Variants in IGF2BP1 observed in about 807,000 individuals in gnomAD.
IGF2BP1 encodes the protein insulin-like growth factor 2 mRNA-binding protein 1.
A neutral mutation model predicts 74.9 loss-of-function variants in IGF2BP1; 11 were observed. The ratio of observed to expected loss-of-function variants is 0.15; its 90% CI spans 0.09 to 0.24. IGF2BP1 has a LOEUF of 0.24. Ranked by LOEUF, IGF2BP1 falls within the 10% of genes least tolerant of loss-of-function variation. The pLI, the probability that IGF2BP1 is intolerant of heterozygous loss-of-function variation, is 1.00. For synonymous variants in IGF2BP1, 287 were observed against 281.8 expected, an observed-to-expected ratio of 1.02 and a Z score of -0.18; for missense variants, 440 against 757.4, an observed-to-expected ratio of 0.58 and a Z score of 4.92.
chr17:49,003,983 TAGAG>T (rs1311158099), intron 2 of IGF2BP1, among the ~76,000 whole-genome samples: 1 of 149,094 alleles, frequency 6.7e-6, no homozygotes, highest in East Asian at 2.0e-4. Context: ...AGAGAGAGAG[TAGAG>T]AGAGAGAAAG....
chr17:49,025,766 G>A (rs929943992), intron 3 of IGF2BP1, 100 bp downstream of exon 3: 7 of 1,036,254 alleles, frequency 6.8e-6, no homozygotes, highest in Admixed American at 1.9e-5. Flanking sequence ...GGAGGTCTGG[G>A]GCCAGGCTAG....
chr17:49,046,474 T>G (rs1003355297), intron 14 of IGF2BP1, 101 bp downstream of exon 14: 2 of 848,480 alleles, frequency 2.4e-6, no homozygotes, highest in Admixed American at 2.2e-5. Flanking sequence ...TGACAAGTCC[T>G]GGGGCCTCAG....
chr17:49,038,295 C>T lies in IGF2BP1; in HGVS notation c.529C>T (p.Pro177Ser). The change falls in exon 6 of 15, where the codon CCC (proline) becomes TCC (serine). Residue 177 changes from proline to serine, a missense_variant. This residue lies in a region of IGF2BP1 where 184 missense variants were observed against 273.4 expected (regional missense o/e 0.67). Transcript: ENST00000290341. ...RRGGFGSRGQ[P>S]RQGSPVAAGA... ...AGGGGGCTTTGGCTCTCGGGGTCAG[C>T]CCCGCCAGGGCTCACCTGTGGCAGC... 6.2e-7 allele frequency: 1 copy of T among 1,604,012 alleles called. No individual in the cohort carries two copies. Among genetic ancestry groups the T allele is most frequent in the Non-Finnish European group, 8.5e-7 (1 of 1,175,292 alleles).
At chr17:49,025,530 A>C in intron 2 of IGF2BP1, 88 bp from the exon 3 acceptor site, 3 of 1,126,288 alleles carry the variant, frequency 2.7e-6, no homozygotes, top group Non-Finnish European at 2.6e-6. Context: ...GGGGAAATAG[A>C]AACTGGGGCA....
intron 2 of IGF2BP1, among the ~76,000 whole-genome samples, chr17:49,019,938 A>ATATATATATATATATATATATATATT (rs1555597792): frequency 1.7e-5 from 1 of 57,368 alleles, no homozygotes; most frequent in Non-Finnish European, 3.4e-5. Context: ...ATATATATAT[A>ATATATATATATATATATATATATATT]TATATATATA....
chr17:49,052,721 A>G lies in IGF2BP1; in HGVS notation c.*3277A>G, dbSNP rs2042181531. 6.6e-6 allele frequency: 1 copy of G among 152,294 alleles called. No individual in the cohort carries two copies. Among genetic ancestry groups the G allele is most frequent in the African/African-American group, 2.4e-5 (1 of 41,320 alleles). 9.4% of individuals were successfully genotyped at this position (152,294 alleles called of 1,614,324 possible). A position where few individuals can be genotyped will look rare whatever the true frequency, so the allele number is the denominator to read the frequency against. On this transcript the variant is annotated 3_prime_UTR_variant, in exon 15 of 15. Transcript: ENST00000290341. The stretch of plus-strand genomic sequence containing the variant: ...CCTTGCCCTCCTGCTCAGCACCTCC[A>G]TTTCCCCATCCTTGGTGAGATAACA...
rs2041419981 is a variant in IGF2BP1, at chr17:48,997,462, T to A, written c.-284T>A. The A allele has an allele frequency of 5.3e-6, 1 of 190,230 alleles. No individual in the cohort carries two copies. The highest frequency in any genetic ancestry group is 1.4e-4 in the East Asian group (1 of 7,062). 11.8% of individuals were successfully genotyped at this position (190,230 alleles called of 1,614,324 possible). On this transcript the variant is annotated 5_prime_UTR_variant, in exon 1 of 15. Coordinates refer to ENST00000290341, the MANE Select transcript of IGF2BP1 (RefSeq NM_006546.4). This position sits in a 1 kb window ranked among gnomAD's most constrained non-coding sequence, Gnocchi z 4.8. ...GCGGAGAAACGTGACACACCAGCCC[T>A]CTCGGAGGGGTTTCGGACCGAAGGG...
At chr17:49,030,653 T>C (rs2041911417) in intron 4 of IGF2BP1, among the ~76,000 whole-genome samples, 2 of 151,376 alleles carry the variant, frequency 1.3e-5, no homozygotes, top group Admixed American at 1.3e-4. Context: ...TGAGACAGAG[T>C]CTCGCTCTGT....
intron 12 of IGF2BP1, 57 bp downstream of exon 12, chr17:49,045,122 C>G (rs2042096103): frequency 1.4e-6 from 2 of 1,476,174 alleles, no homozygotes; most frequent in Non-Finnish European, 1.9e-6. Context: ...TTGGGTATTT[C>G]CCCTGAGGTA....
chr17:49,038,496 T>G, intron 6 of IGF2BP1, 47 bp downstream of exon 6: 1 of 1,413,860 alleles, frequency 7.1e-7, no homozygotes, highest in Non-Finnish European at 9.3e-7. Flanking sequence ...TAGGGAACAG[T>G]GGTTGGTACC....
At chr17:49,041,963 G>A (rs1039913294) in intron 8 of IGF2BP1, among the ~76,000 whole-genome samples, 8 of 152,226 alleles carry the variant, frequency 5.3e-5, no homozygotes, top group Non-Finnish European at 8.8e-5. Context: ...GGATTATGTA[G>A]AATCAATGGG....
intron 1 of IGF2BP1, 94 bp downstream of exon 1, chr17:48,998,014 T>G: frequency 1.8e-4 from 260 of 1,418,130 alleles, no homozygotes; most frequent in Non-Finnish European, 2.3e-4. Flanking sequence ...AACTCCTCTC[T>G]TCCCGGGCCT....
intron 2 of IGF2BP1, among the ~76,000 whole-genome samples, chr17:49,024,337 G>A (rs773924269): frequency 1.3e-5 from 2 of 151,968 alleles, no homozygotes; most frequent in Non-Finnish European, 2.9e-5. Context: ...TCACTCGATC[G>A]CAGCAGGTCT....
intron 2 of IGF2BP1, chr17:49,012,523 G>C (rs150160516): frequency 6.6e-6 from 1 of 152,020 alleles, no homozygotes; most frequent in African/African-American, 2.4e-5. Flanking sequence ...ATCCTTTGAC[G>C]CTTCTGGAAG....
chr17:49,026,671 T>TCCTTCCTGCCTTCCTG lies in IGF2BP1; in HGVS notation c.337+190_337+205dup, dbSNP rs58556952. Among the ~76,000 whole-genome samples, 9 of 134,464 alleles carry TCCTTCCTGCCTTCCTG rather than the reference T, an allele frequency of 6.7e-5. No homozygotes were observed. In the East Asian group the frequency reaches 1.4e-3, roughly 21 times the overall value. The allele number at this position is 134,464 out of a possible 152,430, so 88.2% of individuals were successfully genotyped here. ...TGCCTGCCTTCCTGCCTTCCTGCCT[T>TCCTTCCTGCCTTCCTG]CCTTCCTGCCTTCCTGCCTTCCTGC... On this transcript the variant is annotated intron_variant, in intron 4 of 14. Coordinates refer to ENST00000290341, the MANE Select transcript of IGF2BP1 (RefSeq NM_006546.4).
chr17:49,055,836 G>GTTTTTTTTTTTTTTTTTTTTTTTTTTTT lies in IGF2BP1; in HGVS notation c.*6414_*6415insTTTTTTTTTTTTTTTTTTTTTTTTTTTT, dbSNP rs59508101. Among the ~76,000 whole-genome samples the GTTTTTTTTTTTTTTTTTTTTTTTTTTTT allele has an allele frequency of 7.9e-6, 1 of 125,890 alleles. No individual in the cohort carries two copies. Among genetic ancestry groups the GTTTTTTTTTTTTTTTTTTTTTTTTTTTT allele is most frequent in the Non-Finnish European group, 1.6e-5 (1 of 61,608 alleles). 82.6% of individuals were successfully genotyped at this position (125,890 alleles called of 152,430 possible). A position where few individuals can be genotyped will look rare whatever the true frequency, so the allele number is the denominator to read the frequency against. On this transcript the variant is annotated 3_prime_UTR_variant, in exon 15 of 15. Coordinates refer to ENST00000290341, the MANE Select transcript of IGF2BP1 (RefSeq NM_006546.4). ...AGCTGGAGGCCTACTGCTTGGGACA[G>GTTTTTTTTTTTTTTTTTTTTTTTTTTTT]TTTTTTTTTTTTTTTTTTTTTTAAA... is the stretch of plus-strand genomic sequence containing the variant.
Position 48,997,588 on chromosome 17 carries a change from T to C in IGF2BP1, c.-158T>C, listed in dbSNP as rs2041422147. 1 of 762,104 alleles carries C rather than the reference T, an allele frequency of 1.3e-6. No homozygotes were observed. Among genetic ancestry groups the C allele is most frequent in the Non-Finnish European group, 2.1e-6 (1 of 485,142 alleles). 47.2% of individuals were successfully genotyped at this position (762,104 alleles called of 1,614,324 possible). On this transcript the variant is annotated 5_prime_UTR_variant, in exon 1 of 15. Coordinates refer to ENST00000290341, the MANE Select transcript of IGF2BP1 (RefSeq NM_006546.4). The surrounding 1 kb of genome is among the most constrained non-coding windows in gnomAD (Gnocchi z 4.8). ...GACCTCTGCGCGCCCTCAGGCCGCC[T>C]TCCCCGCCCTGGGCTCGGGACAACT...
At chr17:49,027,908 C>T (rs2041877815) in intron 4 of IGF2BP1, among the ~76,000 whole-genome samples, 1 of 142,870 alleles carries the variant, frequency 7.0e-6, no homozygotes, top group Non-Finnish European at 1.5e-5. Context: ...CAATGACTCA[C>T]ACCTGTAATC....
In IGF2BP1 at chr17:48,997,551, G is replaced by C; in HGVS notation, c.-195G>C. 1 of 595,040 alleles carries C rather than the reference G, an allele frequency of 1.7e-6. No homozygotes were observed. The highest frequency in any genetic ancestry group is 2.9e-6 in the Non-Finnish European group (1 of 339,410). The allele number at this position is 595,040 out of a possible 1,614,324, so 36.9% of individuals were successfully genotyped here. A position where few individuals can be genotyped will look rare whatever the true frequency, so the allele number is the denominator to read the frequency against. On this transcript the variant is annotated 5_prime_UTR_variant, in exon 1 of 15. Coordinates refer to ENST00000290341, the MANE Select transcript of IGF2BP1 (RefSeq NM_006546.4). This position sits in a 1 kb window ranked among gnomAD's most constrained non-coding sequence, Gnocchi z 4.8. ...CGGGCACTTCTCCTGGGCTCTCCCC[G>C]AACTCTCCCGCGACCTCTGCGCGCC...
Sources: allele counts gnomAD v4.1 joint callset (sites outside exome capture counted in the v4.1 genomes callset), GRCh38; gene constraint gnomAD v4.1.1; regional missense constraint gnomAD v4.1.1; non-coding constraint Gnocchi (gnomAD v3.1); transcripts MANE v1.5; gene names NCBI Gene and HGNC (gene_info 2026-07-23, HGNC 2026-07-21).